The following SORL1 variants were observed in gnomAD, a reference collection of about 807,000 sequenced individuals.
The protein encoded by SORL1 is sortilin related receptor 1.
Under a neutral mutation model 273.7 loss-of-function variants are expected in SORL1, and 127 were observed. That is an observed-to-expected ratio of 0.46 (90% CI 0.40 to 0.54). The LOEUF is 0.54. SORL1 is among the 20% of genes least tolerant of loss of function. SORL1 has a pLI of 0.00. For missense variants in SORL1, 2,494 were observed against 2,846.1 expected (o/e 0.88, Z 2.81); for synonymous variants, 1,031 against 1,067.4 (o/e 0.97, Z 0.66).
At chr11:121,584,830 G>A (rs1014009501) in intron 26 of SORL1, among the ~76,000 whole-genome samples, 17 of 152,202 alleles carry the variant, frequency 1.1e-4, no homozygotes, top group African/African-American at 3.6e-4. Context: ...CTGGGTTCAA[G>A]TGATCTGCCC....
At chr11:121,557,041 C>G (rs748895142) in intron 18 of SORL1, 83 of 442,584 alleles carry the variant, frequency 1.9e-4, no homozygotes, top group Middle Eastern at 1.2e-3. Context: ...CTTATTGATA[C>G]TGCTTTGTCC....
At chr11:121,604,463 A>C in intron 33 of SORL1, 139 bp downstream of exon 33, 1 of 1,168,084 alleles carries the variant, frequency 8.6e-7, no homozygotes, top group Non-Finnish European at 1.2e-6. Flanking sequence ...ATTTGTGCCT[A>C]GTTTTGGAGC....
chr11:121,589,219 G>A, intron 28 of SORL1, 40 bp from the exon 29 acceptor site: 1 of 1,609,498 alleles, frequency 6.2e-7, no homozygotes, highest in Non-Finnish European at 8.5e-7. Context: ...CCCTCAGCAT[G>A]GAAGTTCCTG....
At chr11:121,478,051 A>G (rs1591552899) in intron 2 of SORL1, 67 bp from the exon 3 acceptor site, 5 of 1,422,404 alleles carry the variant, frequency 3.5e-6, no homozygotes, top group South Asian at 1.4e-5. Context: ...AAAAAAAAAA[A>G]AGAAAGATCT....
At position 121,546,265 on chromosome 11, in the gene SORL1, A is replaced by G. The variant is rs538308279; in HGVS notation, c.2051+836A>G. On this transcript the variant is annotated intron_variant, in intron 14 of 47. Coordinates refer to ENST00000260197, the MANE Select transcript of SORL1 (RefSeq NM_003105.6). ...CCTTAGAGGGGATGAACCTTATTCT[A>G]TAATTAGGAGGAGGCCTTCAGCGGC... is the stretch of plus-strand genomic sequence containing the variant. Among the ~76,000 whole-genome samples the G allele has an allele frequency of 9.8e-5, 15 of 152,324 alleles. No homozygotes were observed. In the South Asian group the frequency reaches 1.0e-3, roughly 11 times the overall value.
intron 23 of SORL1, 34 bp downstream of exon 23, chr11:121,570,304 C>T (rs1862821930): frequency 6.6e-7 from 1 of 1,523,976 alleles, no homozygotes; most frequent in South Asian, 1.1e-5. Flanking sequence ...AAGCACTTAC[C>T]ATTACTCAGA....
chr11:121,474,026 G>T (rs2134787219), intron 2 of SORL1, among the ~76,000 whole-genome samples: 1 of 152,370 alleles, frequency 6.6e-6, no homozygotes, highest in South Asian at 2.1e-4. Context: ...AGCAGTGTCA[G>T]TTCTTGCTAA....
intron 45 of SORL1, among the ~76,000 whole-genome samples, chr11:121,624,815 CT>C (rs1406599555): frequency 6.6e-6 from 1 of 152,102 alleles, no homozygotes; most frequent in African/African-American, 2.4e-5. Context: ...GGTAAAATGA[CT>C]TTCCTGAGGG....
At chr11:121,516,934 C>T (rs1378459010) in intron 8 of SORL1, among the ~76,000 whole-genome samples, 2 of 152,110 alleles carry the variant, frequency 1.3e-5, no homozygotes, top group Admixed American at 6.5e-5. Context: ...TACCTATAGT[C>T]CCAGCTACTT....
rs1282939706 is a variant in SORL1 at position 121,608,045 on chromosome 11, T to G, written c.5167-59T>G. 4.9e-6 allele frequency: 7 copies of G among 1,431,764 alleles called. No homozygotes were observed. In the East Asian group the frequency reaches 1.1e-4, roughly 23 times the overall value. The allele number at this position is 1,431,764 out of a possible 1,614,324, so 88.7% of individuals were successfully genotyped here. ...CCTTTAGCTCATTCAGTATTCTTAC[T>G]GTATGGTGTATGGTGTATTGCCTTT... On this transcript the variant is annotated intron_variant, in intron 37 of 47. Coordinates refer to ENST00000260197, the MANE Select transcript of SORL1 (RefSeq NM_003105.6).
At chr11:121,510,503 C>G (rs980220761) in intron 6 of SORL1, among the ~76,000 whole-genome samples, 1 of 152,150 alleles carries the variant, frequency 6.6e-6, no homozygotes, top group Non-Finnish European at 1.5e-5. Context: ...CCTTCAAGTC[C>G]TTATTGCAGT....
intron 16 of SORL1, among the ~76,000 whole-genome samples, chr11:121,553,619 TTG>T (rs1862536335): frequency 6.6e-6 from 1 of 152,236 alleles, no homozygotes; most frequent in Admixed American, 6.5e-5. Context: ...CAAGTGTGAC[TTG>T]AAGACTGGCA....
At chr11:121,598,237 A>G (rs959093627) in intron 32 of SORL1, among the ~76,000 whole-genome samples, 2 of 152,220 alleles carry the variant, frequency 1.3e-5, no homozygotes, top group African/African-American at 4.8e-5. Context: ...GGTGCCCATT[A>G]GGAGGCTAAT....
intron 1 of SORL1, among the ~76,000 whole-genome samples, chr11:121,457,349 T>C (rs978764518): frequency 1.3e-5 from 2 of 152,240 alleles, no homozygotes; most frequent in Non-Finnish European, 2.9e-5. Context: ...ACAAATTTCC[T>C]TCCCTCTCAT....
intron 12 of SORL1, among the ~76,000 whole-genome samples, chr11:121,540,626 A>G (rs1862334475): frequency 6.6e-6 from 1 of 151,966 alleles, no homozygotes; most frequent in South Asian, 2.1e-4. Flanking sequence ...AATTCAGTCC[A>G]AAATGCGTGT....
intron 9 of SORL1, among the ~76,000 whole-genome samples, chr11:121,522,300 C>T (rs1862051384): frequency 6.6e-6 from 1 of 152,178 alleles, no homozygotes; most frequent in African/African-American, 2.4e-5. Flanking sequence ...GATGACTTTC[C>T]CATCTACTTG....
Position 121,619,787 on chromosome 11 carries a change from C to T in SORL1, c.5759C>T (p.Ser1920Phe). Residue 1920 changes from serine to phenylalanine, a missense_variant, in exon 43 of 48, where the codon TCT (serine) becomes TTT (phenylalanine). Around this residue, in one of 3 missense-constraint regions of SORL1, gnomAD observed 1,609 missense variants for 1,816.4 expected, o/e 0.89. Coordinates refer to ENST00000260197, the MANE Select transcript of SORL1 (RefSeq NM_003105.6). ...GTGGTACCCTACCAGGGGCCATCCT[C>T]TGACTACGTTGTAGTGAAGATGATC... ...RVVVPYQGPS[S>F]DYVVVKMIPD... The T allele has an allele frequency of 1.2e-6, 2 of 1,614,178 alleles. No homozygotes were observed. The highest frequency in any genetic ancestry group is 4.5e-5 in the East Asian group (2 of 44,890).
rs1862629329 is a variant in SORL1, at chr11:121,558,709, G to A, written c.2782G>A (p.Val928Met). ...TGTGAAGTGGCCCAATGGCATCTCT[G>A]TGGACGACCAGTGGATTTACTGGAC... is the stretch of plus-strand genomic sequence containing the variant. ...EDVKWPNGIS[V>M]DDQWIYWTDA... The change falls in exon 20 of 48, where the codon GTG becomes ATG. Residue 928 changes from valine to methionine, a missense_variant. Around this residue, in one of 3 missense-constraint regions of SORL1, gnomAD observed 1,609 missense variants for 1,816.4 expected, o/e 0.89. Coordinates refer to ENST00000260197, the MANE Select transcript of SORL1 (RefSeq NM_003105.6). The A allele has an allele frequency of 1.2e-6, 2 of 1,614,206 alleles. No homozygotes were observed. The highest frequency in any genetic ancestry group is 1.7e-6 in the Non-Finnish European group (2 of 1,180,028).
At chr11:121,594,351 G>A (rs1330786048) in intron 31 of SORL1, among the ~76,000 whole-genome samples, 1 of 151,614 alleles carries the variant, frequency 6.6e-6, no homozygotes, top group Non-Finnish European at 1.5e-5. Context: ...CTTATTTCCT[G>A]GAACTCTTGT....
Sources: gnomAD v4.1 joint callset for allele counts (sites outside exome capture counted in the v4.1 genomes callset) on GRCh38, gnomAD v4.1.1 for gene constraint, gnomAD v4.1.1 regional missense constraint, MANE v1.5 for transcripts, NCBI Gene and HGNC (gene_info 2026-07-23, HGNC 2026-07-21) for gene names.